QTMAN: variants seen among roughly 807,000 people sequenced by gnomAD.
The protein encoded by QTMAN is queuosine-tRNA mannosyltransferase, also known as tRNA-queuosine alpha-mannosyltransferase.
the QTMAN span, among the ~76,000 whole-genome samples, chr2:144,249,810 A>G: frequency 9.9e-5 from 15 of 152,228 alleles, no homozygotes; most frequent in Non-Finnish European, 1.6e-4. Flanking sequence ...ACTGAACTTT[A>G]TATGAGCATC....
chr2:144,227,145 T>G, the QTMAN span, among the ~76,000 whole-genome samples: 110 of 152,326 alleles, frequency 7.2e-4, no homozygotes, highest in African/African-American at 2.5e-3. Flanking sequence ...CAAGGACCTG[T>G]AAATCAGCAT....
chr2:144,247,848 T>C, the QTMAN span, among the ~76,000 whole-genome samples: 167 of 152,204 alleles, frequency 1.1e-3, no homozygotes, highest in Non-Finnish European at 1.9e-3. Context: ...TGACTAATTT[T>C]TTGTTTTTTG....
chr2:143,961,151 A>G, the QTMAN span, among the ~76,000 whole-genome samples: 1 of 152,148 alleles, frequency 6.6e-6, no homozygotes. Context: ...CAAATGTAAC[A>G]ATTTAGCCAA....
chr2:144,189,995 T>C, the QTMAN span, among the ~76,000 whole-genome samples: 27 of 152,218 alleles, frequency 1.8e-4, no homozygotes, highest in Non-Finnish European at 2.5e-4. Context: ...TATTTTAACA[T>C]TGGATATACT....
chr2:143,967,752 A>G, the QTMAN span, among the ~76,000 whole-genome samples: 333 of 152,292 alleles, frequency 2.2e-3, no homozygotes, highest in African/African-American at 7.7e-3. Flanking sequence ...CTGGGGAAAA[A>G]TTAATGTTTA....
chr2:144,095,063 TA>T, the QTMAN span, among the ~76,000 whole-genome samples: 1 of 152,116 alleles, frequency 6.6e-6, no homozygotes, highest in African/African-American at 2.4e-5. Flanking sequence ...TCCCAAAAGT[TA>T]AACTCCTTTT....
the QTMAN span, among the ~76,000 whole-genome samples, chr2:144,052,645 CATTT>C: frequency 6.6e-6 from 1 of 152,074 alleles, no homozygotes; most frequent in African/African-American, 2.4e-5. Flanking sequence ...TGCTTTCCTT[CATTT>C]ATTTATTTTT....
chr2:143,951,793 T>C, the QTMAN span, among the ~76,000 whole-genome samples: 1 of 151,598 alleles, frequency 6.6e-6, no homozygotes, highest in Non-Finnish European at 1.5e-5. Context: ...TAAGTGCACG[T>C]ATTTCATAAG....
the QTMAN span, among the ~76,000 whole-genome samples, chr2:144,139,987 C>T: frequency 6.6e-6 from 1 of 151,938 alleles, no homozygotes; most frequent in Non-Finnish European, 1.5e-5. Flanking sequence ...GGTTATTTTG[C>T]CTTTGGAATT....
the QTMAN span, among the ~76,000 whole-genome samples, chr2:144,191,347 A>C: frequency 6.6e-6 from 1 of 152,244 alleles, no homozygotes; most frequent in Non-Finnish European, 1.5e-5. Context: ...TATTTGTGCA[A>C]GCATTTTAAA....
chr2:144,122,447 CAA>C, the QTMAN span, among the ~76,000 whole-genome samples: 2 of 152,078 alleles, frequency 1.3e-5, no homozygotes, highest in Admixed American at 6.5e-5. Flanking sequence ...CAGCTGGAGT[CAA>C]GAAAAAACAC....
chr2:144,155,203 G>A, the QTMAN span, among the ~76,000 whole-genome samples: 32 of 152,170 alleles, frequency 2.1e-4, no homozygotes, highest in African/African-American at 6.5e-4. Flanking sequence ...CTTCACCATC[G>A]TAAAGTATTC....
At chr2:143,981,414 C>T in the QTMAN span, among the ~76,000 whole-genome samples, 1 of 151,596 alleles carries the variant, frequency 6.6e-6, no homozygotes, top group South Asian at 2.1e-4. Context: ...CATTTCAATT[C>T]TTAATAACAG....
chr2:144,242,272 C>A, the QTMAN span, among the ~76,000 whole-genome samples: 1 of 151,708 alleles, frequency 6.6e-6, no homozygotes, highest in African/African-American at 2.4e-5. Context: ...GTCATAGGAA[C>A]TTATCCTAGA....
the QTMAN span, among the ~76,000 whole-genome samples, chr2:144,226,732 T>C: frequency 4.6e-5 from 7 of 152,118 alleles, no homozygotes; most frequent in Non-Finnish European, 8.8e-5. Context: ...TTTATTAAAA[T>C]AGGGTTATAT....
At chr2:144,074,256 G>T in the QTMAN span, among the ~76,000 whole-genome samples, 1 of 152,080 alleles carries the variant, frequency 6.6e-6, no homozygotes, top group Non-Finnish European at 1.5e-5. Flanking sequence ...TTTAATTTTG[G>T]CTACAGATAA....
At chr2:144,280,319 T>G in the QTMAN span, among the ~76,000 whole-genome samples, 1 of 152,314 alleles carries the variant, frequency 6.6e-6, no homozygotes, top group Admixed American at 6.5e-5. Flanking sequence ...CTTGTGTTGT[T>G]AAACAGCTCA....
chr2:144,177,765 A>G, the QTMAN span, among the ~76,000 whole-genome samples: 105 of 152,346 alleles, frequency 6.9e-4, no homozygotes, highest in African/African-American at 2.4e-3. Context: ...GTGAGCCACA[A>G]ATGTGAACAA....
chr2:144,313,604 A>G, the QTMAN span, among the ~76,000 whole-genome samples: 28 of 152,160 alleles, frequency 1.8e-4, no homozygotes, highest in African/African-American at 6.5e-4. Flanking sequence ...TTATATATAC[A>G]TTTCATGAAG....
Sources: allele counts gnomAD v4.1 joint callset (sites outside exome capture counted in the v4.1 genomes callset), GRCh38; gene constraint gnomAD v4.1.1; transcripts MANE v1.5; gene names NCBI Gene and HGNC (gene_info 2026-07-23, HGNC 2026-07-21).